The following RHBG variants were observed in gnomAD, a reference collection of about 807,000 sequenced individuals.
RHBG encodes the protein ammonium transporter Rh type B.
In RHBG, 39 loss-of-function variants were observed where a neutral mutation model predicts 40.1. The observed-to-expected ratio is 0.97, with a 90% CI of 0.75 to 1.27. The LOEUF (loss-of-function observed/expected upper bound fraction) is 1.27. RHBG is among the 50% of genes most tolerant of loss of function. The probability of loss-of-function intolerance (pLI) is 0.00; values close to 1 mark genes in which losing one functional copy is unlikely to be tolerated. For synonymous variants in RHBG, 237 were observed against 252.5 expected (o/e 0.94, Z 0.58); for missense variants, 549 against 588.1 (o/e 0.93, Z 0.69).
chr1:156,384,819 G>A lies in RHBG; in HGVS notation c.1351G>A (p.Val451Met), dbSNP rs369241790. Reference sequence around the variant, plus strand: ...GGATAAAGCCCAGAGACCTCTGAGGGTGGAGGAGGCAGACACTCAGGCCTA... The same window carrying A: ...GGATAAAGCCCAGAGACCTCTGAGGATGGAGGAGGCAGACACTCAGGCCTA... ...HEDKAQRPLR[V>M]EEADTQA Residue 451 changes from valine to methionine, a missense_variant, in exon 10 of 10, where the codon GTG becomes ATG. Coordinates refer to ENST00000537040, the MANE Select transcript of RHBG (RefSeq NM_020407.5). The A allele has an allele frequency of 8.9e-5, 143 of 1,613,756 alleles. No individual in the cohort carries two copies. The highest frequency in any genetic ancestry group is 1.7e-4 in the Middle Eastern group (1 of 6,060).
chr1:156,382,646 C>G, intron 7 of RHBG, 102 bp from the exon 8 acceptor site: 2 of 1,442,996 alleles, frequency 1.4e-6, no homozygotes, highest in Non-Finnish European at 1.9e-6. Context: ...TGGCCACTTC[C>G]TGTTCCCCAG....
rs1557805464 is a variant in RHBG, at chr1:156,382,077, G to C, written c.988G>C (p.Glu330Gln). 2 of 1,609,960 alleles carry C rather than the reference G, an allele frequency of 1.2e-6. No homozygotes were observed. Residue 330 changes from glutamate to glutamine, a missense_variant, in exon 7 of 10, where the codon GAA (glutamate) becomes CAA (glutamine). Transcript: ENST00000537040. ...LGYKFFTPIL[E>Q]SKFKVQDTCG... The stretch of plus-strand genomic sequence containing the variant: ...CTGTCTTGCCCTCCAGCCCATCCTT[G>C]AATCAAAATTCAAAGTCCAAGACAC...
intron 5 of RHBG, 124 bp downstream of exon 5, chr1:156,381,637 G>C: frequency 7.2e-7 from 1 of 1,391,196 alleles, no homozygotes; most frequent in Non-Finnish European, 9.8e-7. Flanking sequence ...GGCTCCATCT[G>C]TGCTGGTGGC....
rs1320050480 is a variant in RHBG, at chr1:156,385,028, G to A, written c.*183G>A. The A allele has an allele frequency of 1.9e-5, 11 of 568,998 alleles. No homozygotes were observed. The highest frequency in any genetic ancestry group is 1.5e-4 in the South Asian group (7 of 45,394). 35.2% of individuals were successfully genotyped at this position (568,998 alleles called of 1,614,324 possible). A position where few individuals can be genotyped will look rare whatever the true frequency, so the allele number is the denominator to read the frequency against. ...GGGCAACAGGAGGCTGGGAAATGGT[G>A]GGGAGTGGGGCCGTAACTGGGTACA... On this transcript the variant is annotated 3_prime_UTR_variant, in exon 10 of 10. Coordinates refer to ENST00000537040, the MANE Select transcript of RHBG (RefSeq NM_020407.5).
At chr1:156,381,768 A>T (rs764657827) in intron 5 of RHBG, 38 bp from the exon 6 acceptor site, 13 of 1,559,012 alleles carry the variant, frequency 8.3e-6, no homozygotes, top group Admixed American at 6.6e-5. Flanking sequence ...TGGGTGTGAC[A>T]ATCTGAAAGG....
chr1:156,377,898 C>A lies in RHBG; in HGVS notation c.375-92C>A. 1 of 1,308,006 alleles carries A rather than the reference C, an allele frequency of 7.6e-7. No individual in the cohort carries two copies. The highest frequency in any genetic ancestry group is 1.0e-6 in the Non-Finnish European group (1 of 958,502). 81.0% of individuals were successfully genotyped at this position (1,308,006 alleles called of 1,614,324 possible). A position where few individuals can be genotyped will look rare whatever the true frequency, so the allele number is the denominator to read the frequency against. The stretch of plus-strand genomic sequence containing the variant: ...AGAACTCCAACCCCACCCCACCCAC[C>A]ACATCATGCTGTCCTGGCTTCATGC... On this transcript the variant is annotated intron_variant, in intron 2 of 9. Transcript: ENST00000537040. The surrounding 1 kb of genome is among the most constrained non-coding windows in gnomAD (Gnocchi z 4.6).
intron 8 of RHBG, 51 bp from the exon 9 acceptor site, chr1:156,384,476 T>G (rs771143460): frequency 5.7e-6 from 9 of 1,567,798 alleles, no homozygotes; most frequent in Non-Finnish European, 7.0e-6. Flanking sequence ...GGCACCCTCC[T>G]CCATGGTGGG....
chr1:156,379,101 TCTC>T (rs1484483952), intron 4 of RHBG, among the ~76,000 whole-genome samples: 1 of 151,922 alleles, frequency 6.6e-6, no homozygotes, highest in African/African-American at 2.4e-5. Flanking sequence ...TTCAAGCAAT[TCTC>T]CTGCCTCATC....
At chr1:156,379,439 G>A (rs1667464499) in intron 4 of RHBG, among the ~76,000 whole-genome samples, 1 of 152,056 alleles carries the variant, frequency 6.6e-6, no homozygotes, top group African/African-American at 2.4e-5. Context: ...ATTCCTATAT[G>A]AAACAGAGAG....
intron 1 of RHBG, among the ~76,000 whole-genome samples, chr1:156,373,224 C>T (rs1666967459): frequency 2.6e-5 from 4 of 151,990 alleles, no homozygotes; most frequent in Non-Finnish European, 5.9e-5. Context: ...GAGTTTGAGG[C>T]CAGCCTGGGC....
chr1:156,371,948 T>C (rs1453444801), intron 1 of RHBG: 3 of 152,262 alleles, frequency 2.0e-5, no homozygotes, highest in South Asian at 4.1e-4. Context: ...TCCATTCCTG[T>C]GGACTTGGAT....
rs1361764110 is a variant in RHBG at position 156,385,018 on chromosome 1, G to A, written c.*173G>A. On this transcript the variant is annotated 3_prime_UTR_variant, in exon 10 of 10. Transcript: ENST00000537040. Reference sequence around the variant, plus strand: ...ACAGGGAGAGGGGCAACAGGAGGCTGGGAAATGGTGGGGAGTGGGGCCGTA... The same window carrying A: ...ACAGGGAGAGGGGCAACAGGAGGCTAGGAAATGGTGGGGAGTGGGGCCGTA... 14 of 570,780 alleles carry A rather than the reference G, an allele frequency of 2.5e-5. No homozygotes were observed. The highest frequency in any genetic ancestry group is 4.4e-5 in the Non-Finnish European group (14 of 318,300). 35.4% of individuals were successfully genotyped at this position (570,780 alleles called of 1,614,324 possible). A position where few individuals can be genotyped will look rare whatever the true frequency, so the allele number is the denominator to read the frequency against.
chr1:156,382,131 C>T lies in RHBG; in HGVS notation c.1042C>T (p.Pro348Ser). The change falls in exon 7 of 10, where the codon CCG (proline) becomes TCG (serine). Residue 348 changes from proline to serine, a missense_variant. Pro to Ser is a moderately conservative substitution (Grantham distance 74). Coordinates refer to ENST00000537040, the MANE Select transcript of RHBG (RefSeq NM_020407.5). ...TCGVHNLHGM[P>S]GVLGALLGVL... ...TGGAGTCCACAACCTCCATGGGATGCCGGGGGTCCTGGGGGCCCTCCTGGG... is the reference window on the plus strand; with the variant it reads ...TGGAGTCCACAACCTCCATGGGATGTCGGGGGTCCTGGGGGCCCTCCTGGG... The T allele has an allele frequency of 6.2e-7, 1 of 1,614,026 alleles. No homozygotes were observed. The highest frequency in any genetic ancestry group is 8.5e-7 in the Non-Finnish European group (1 of 1,179,962).
intron 8 of RHBG, 90 bp from the exon 9 acceptor site, chr1:156,384,437 C>A: frequency 8.4e-7 from 1 of 1,185,448 alleles, no homozygotes; most frequent in Non-Finnish European, 1.3e-6. Flanking sequence ...CTTATGCCTC[C>A]TAGACCCCTG....
At chr1:156,378,193 C>T (rs756017315) in intron 3 of RHBG, 53 bp downstream of exon 3, 37 of 1,574,266 alleles carry the variant, frequency 2.4e-5, no homozygotes, top group Non-Finnish European at 3.1e-5. Flanking sequence ...CAAGGTCAGC[C>T]TCTGAGCCAG....
At chr1:156,380,116 T>C (rs983620177) in intron 4 of RHBG, among the ~76,000 whole-genome samples, 2 of 131,654 alleles carry the variant, frequency 1.5e-5, no homozygotes, top group Non-Finnish European at 3.3e-5. Flanking sequence ...CTTTTTCTTT[T>C]TTTTTTTTTT....
intron 1 of RHBG, among the ~76,000 whole-genome samples, chr1:156,372,749 G>A (rs961040818): frequency 1.3e-5 from 2 of 152,150 alleles, no homozygotes; most frequent in Non-Finnish European, 2.9e-5. Context: ...CAGGCTCAGA[G>A]GGTTGTCCAA....
Position 156,377,983 on chromosome 1 carries a change from TC to T in RHBG, c.375-3del. ...CTCTTGTGCTCCCACTTCTGCCCCATCCCCAGCATGATCAATGCTGACTTTT... is the reference window on the plus strand; with the variant it reads ...CTCTTGTGCTCCCACTTCTGCCCCATCCCAGCATGATCAATGCTGACTTTT... On this transcript the variant is annotated splice_region_variant and splice_polypyrimidine_tract_variant and intron_variant, in intron 2 of 9. Coordinates refer to ENST00000537040, the MANE Select transcript of RHBG (RefSeq NM_020407.5). This position sits in a 1 kb window ranked among gnomAD's most constrained non-coding sequence, Gnocchi z 4.6. 1 of 1,531,702 alleles carries T rather than the reference TC, an allele frequency of 6.5e-7. No homozygotes were observed. The highest frequency in any genetic ancestry group is 8.8e-7 in the Non-Finnish European group (1 of 1,136,342). 94.9% of individuals were successfully genotyped at this position (1,531,702 alleles called of 1,614,324 possible).
Position 156,377,158 on chromosome 1 carries a change from T to A in RHBG, c.188-143T>A. ...CAGGTGGCTCAGGGCTGGGAGCCCC[T>A]GACATGCCTGGGGAGTTTTATAGGC... On this transcript the variant is annotated intron_variant, in intron 1 of 9. Transcript: ENST00000537040. The surrounding 1 kb of genome is among the most constrained non-coding windows in gnomAD (Gnocchi z 4.6). 1.1e-6 allele frequency: 1 copy of A among 917,414 alleles called. No homozygotes were observed. Among genetic ancestry groups the A allele is most frequent in the Non-Finnish European group, 1.7e-6 (1 of 594,554 alleles). 56.8% of individuals were successfully genotyped at this position (917,414 alleles called of 1,614,324 possible). A position where few individuals can be genotyped will look rare whatever the true frequency, so the allele number is the denominator to read the frequency against.
Sources: gnomAD v4.1 joint callset for allele counts (sites outside exome capture counted in the v4.1 genomes callset) on GRCh38, gnomAD v4.1.1 for gene constraint, Gnocchi (gnomAD v3.1) non-coding constraint, MANE v1.5 for transcripts, NCBI Gene and HGNC (gene_info 2026-07-23, HGNC 2026-07-21) for gene names.